MB21D2: variants seen among roughly 807,000 people sequenced by gnomAD.
MB21D2 encodes nucleotidyltransferase MB21D2.
Under a neutral mutation model 33.3 loss-of-function variants are expected in MB21D2, and 9 were observed. The ratio of observed to expected loss-of-function variants is 0.27; its 90% CI spans 0.16 to 0.47. The LOEUF (loss-of-function observed/expected upper bound fraction) is 0.47, where lower values mean the gene tolerates loss of function less well. Among genes scored for constraint, MB21D2 ranks in the 20% least tolerant of loss-of-function variants. The probability of loss-of-function intolerance (pLI) is 0.99; values close to 1 mark genes in which losing one functional copy is unlikely to be tolerated. For synonymous variants in MB21D2, 241 were observed against 236.3 expected, an observed-to-expected ratio of 1.02 and a Z score of -0.18; for missense variants, 540 against 624.6, an observed-to-expected ratio of 0.86 and a Z score of 1.44.
intron 1 of MB21D2, among the ~76,000 whole-genome samples, chr3:192,839,767 T>G (rs1712528002): frequency 6.6e-6 from 1 of 152,210 alleles, no homozygotes; most frequent in Non-Finnish European, 1.5e-5. Flanking sequence ...AAAGAAAATG[T>G]CAATCTATAT....
At chr3:192,854,431 C>G (rs961151743) in intron 1 of MB21D2, among the ~76,000 whole-genome samples, 1 of 152,170 alleles carries the variant, frequency 6.6e-6, no homozygotes, top group Non-Finnish European at 1.5e-5. Context: ...AAGTTTGAAG[C>G]TAGCAGAAAC....
At chr3:192,916,816 C>G (rs1028890975) in intron 1 of MB21D2, among the ~76,000 whole-genome samples, 19 of 152,114 alleles carry the variant, frequency 1.2e-4, no homozygotes, top group African/African-American at 4.1e-4. Flanking sequence ...TTCTAGCCCC[C>G]GACGTCTCCG....
rs374072191 is a variant in MB21D2, at chr3:192,851,785, C to G, written c.212-52135G>C. Among the ~76,000 whole-genome samples the G allele has an allele frequency of 2.0e-4, 30 of 152,262 alleles. No individual in the cohort carries two copies. The South Asian group carries it at 5.0e-3, about 25-fold the overall frequency. ...AAAGTGCTGGGATCACAGGCGTAAG[C>G]CAGCATGCCTGGCCGATTTTTAAAA... On this transcript the variant is annotated intron_variant, in intron 1 of 1. Coordinates refer to ENST00000392452, the MANE Select transcript of MB21D2 (RefSeq NM_178496.4).
intron 1 of MB21D2, among the ~76,000 whole-genome samples, chr3:192,890,657 C>G (rs903410432): frequency 2.0e-5 from 3 of 151,182 alleles, no homozygotes; most frequent in African/African-American, 7.3e-5. Flanking sequence ...TGTGCAGGTA[C>G]AAACTCATCA....
At chr3:192,828,191 A>C (rs554358905) in intron 1 of MB21D2, among the ~76,000 whole-genome samples, 7 of 152,200 alleles carry the variant, frequency 4.6e-5, no homozygotes, top group Admixed American at 4.6e-4. Context: ...AAAATGGACT[A>C]ATACGACGTT....
At chr3:192,899,018 T>C (rs1714037025) in intron 1 of MB21D2, among the ~76,000 whole-genome samples, 1 of 152,218 alleles carries the variant, frequency 6.6e-6, no homozygotes, top group Non-Finnish European at 1.5e-5. Flanking sequence ...AGTGTGTGGA[T>C]GAAGAGGCAA....
chr3:192,878,000 C>T (rs954273960), intron 1 of MB21D2, among the ~76,000 whole-genome samples: 4 of 148,036 alleles, frequency 2.7e-5, no homozygotes, highest in Non-Finnish European at 5.9e-5. Context: ...GAAAAAGAAA[C>T]ACTGAGAGGC....
chr3:192,887,600 A>T (rs1413837030), intron 1 of MB21D2, among the ~76,000 whole-genome samples: 4 of 152,102 alleles, frequency 2.6e-5, no homozygotes, highest in Non-Finnish European at 5.9e-5. Context: ...TTACAGAAAA[A>T]ACAAAGGTAT....
intron 1 of MB21D2, among the ~76,000 whole-genome samples, chr3:192,805,028 T>C (rs1711633488): frequency 1.3e-5 from 2 of 152,338 alleles, no homozygotes; most frequent in South Asian, 2.1e-4. Context: ...AAATCACTCA[T>C]GTGGGGTCAT....
At chr3:192,834,273 T>C in intron 1 of MB21D2, among the ~76,000 whole-genome samples, 1 of 149,958 alleles carries the variant, frequency 6.7e-6, no homozygotes, top group South Asian at 2.1e-4. Flanking sequence ...GCCAAGATCA[T>C]GCCATTGCAC....
At chr3:192,903,566 G>C (rs1243272531) in intron 1 of MB21D2, among the ~76,000 whole-genome samples, 2 of 152,076 alleles carry the variant, frequency 1.3e-5, no homozygotes, top group Non-Finnish European at 2.9e-5. Flanking sequence ...CTGTGACTTT[G>C]GGCAAATTAC....
chr3:192,857,601 G>A (rs7626384), intron 1 of MB21D2, among the ~76,000 whole-genome samples: 9,065 of 151,968 alleles, frequency 0.06, 901 homozygotes, highest in African/African-American at 0.21. Flanking sequence ...ACTACTCCAC[G>A]TGTACATAAT....
chr3:192,856,515 C>A (rs530702350), intron 1 of MB21D2, among the ~76,000 whole-genome samples: 1 of 152,090 alleles, frequency 6.6e-6, no homozygotes, highest in African/African-American at 2.4e-5. Context: ...ATTGCCCTTG[C>A]GTGTTTTCTG....
At chr3:192,905,840 G>A (rs1714205437) in intron 1 of MB21D2, among the ~76,000 whole-genome samples, 2 of 151,422 alleles carry the variant, frequency 1.3e-5, no homozygotes, top group South Asian at 4.3e-4. Flanking sequence ...TCAAAAAGAA[G>A]AAAAAGAAAA....
intron 1 of MB21D2, among the ~76,000 whole-genome samples, chr3:192,843,329 T>A (rs1712612987): frequency 6.6e-6 from 1 of 151,794 alleles, no homozygotes; most frequent in Admixed American, 6.6e-5. Context: ...CATGTCAGAG[T>A]GGAATGCTCA....
At chr3:192,836,932 C>T (rs1048807033) in intron 1 of MB21D2, among the ~76,000 whole-genome samples, 1 of 152,134 alleles carries the variant, frequency 6.6e-6, no homozygotes, top group Non-Finnish European at 1.5e-5. Context: ...GTACCTCAGA[C>T]ATCTGTACTT....
intron 1 of MB21D2, among the ~76,000 whole-genome samples, chr3:192,831,633 G>A (rs1381576536): frequency 6.6e-6 from 1 of 152,128 alleles, no homozygotes. Context: ...AAGATGCACC[G>A]TTGCTTTACA....
intron 1 of MB21D2, among the ~76,000 whole-genome samples, chr3:192,841,411 A>G (rs1429573823): frequency 6.6e-6 from 1 of 152,256 alleles, no homozygotes; most frequent in African/African-American, 2.4e-5. Flanking sequence ...TTGGGTTATA[A>G]AAGGCATTGC....
intron 1 of MB21D2, among the ~76,000 whole-genome samples, chr3:192,867,478 A>G (rs1024639097): frequency 1.3e-5 from 2 of 152,234 alleles, no homozygotes; most frequent in Non-Finnish European, 2.9e-5. Context: ...AGAAGGTAGC[A>G]GAAAGTGGTG....
Sources: allele counts gnomAD v4.1 joint callset (sites outside exome capture counted in the v4.1 genomes callset), GRCh38; gene constraint gnomAD v4.1.1; transcripts MANE v1.5; gene names NCBI Gene and HGNC (gene_info 2026-07-23, HGNC 2026-07-21).